The following TCERG1L variants were observed in gnomAD, a reference collection of about 807,000 sequenced individuals.
TCERG1L encodes the protein transcription elongation regulator 1 like.
Under a neutral mutation model 56.3 loss-of-function variants are expected in TCERG1L, and 37 were observed. The observed-to-expected ratio is 0.66, with a 90% confidence interval of 0.51 to 0.87. The LOEUF is 0.87. TCERG1L is among the 40% of genes least tolerant of loss of function. TCERG1L has a pLI of 0.00. For missense variants in TCERG1L, 799 were observed against 774.2 expected (o/e 1.03, Z -0.38); for synonymous variants, 324 against 326.3 (o/e 0.99, Z 0.08).
At chr10:131,287,059 TA>T (rs1333208150) in intron 3 of TCERG1L, among the ~76,000 whole-genome samples, 1 of 152,252 alleles carries the variant, frequency 6.6e-6, no homozygotes, top group East Asian at 1.9e-4. Context: ...ATTAACAAAT[TA>T]TTAAAATTCA....
intron 4 of TCERG1L, among the ~76,000 whole-genome samples, chr10:131,223,204 GACTGTGCAGCCTTGGGACCCCATGGGA>G (rs1845753920): frequency 6.6e-6 from 1 of 152,206 alleles, no homozygotes; most frequent in South Asian, 2.1e-4. Context: ...GCAGCCGCTG[GACTGTGCAGCCTTGGGACCCCATGGGA>G]ACTGGGTGCC....
At position 131,250,448 on chromosome 10, in the gene TCERG1L, G is replaced by A. The variant is rs574066213; in HGVS notation, c.856+9811C>T. On this transcript the variant is annotated intron_variant, in intron 4 of 11. Transcript: ENST00000368642. ...TCTTTCCTCGGGGTTCTAAGTCAGC[G>A]CTAATCATTTCAATAGCATCAGACC... Among the ~76,000 whole-genome samples, 202 of 152,278 alleles carry A rather than the reference G, an allele frequency of 1.3e-3. 1 individual carries two copies. Among genetic ancestry groups the A allele is most frequent in the African/African-American group, 4.4e-3 (182 of 41,560 alleles).
chr10:131,270,399 T>C (rs544167224), intron 3 of TCERG1L, among the ~76,000 whole-genome samples: 2 of 152,340 alleles, frequency 1.3e-5, no homozygotes, highest in African/African-American at 4.8e-5. Context: ...GGGAATCCCG[T>C]AGTTGAGTAA....
chr10:131,158,431 T>C (rs1450718161), intron 6 of TCERG1L, among the ~76,000 whole-genome samples: 2 of 152,234 alleles, frequency 1.3e-5, no homozygotes, highest in Non-Finnish European at 2.9e-5. Flanking sequence ...ATTCAAAATG[T>C]ATTTAATAAC....
chr10:131,226,377 A>C (rs1174056049), intron 4 of TCERG1L, among the ~76,000 whole-genome samples: 1 of 152,212 alleles, frequency 6.6e-6, no homozygotes, highest in Non-Finnish European at 1.5e-5. Context: ...ATGCCCGGCT[A>C]CCAATTTCCT....
intron 3 of TCERG1L, among the ~76,000 whole-genome samples, chr10:131,268,427 A>AT (rs531140428): frequency 1.4e-3 from 208 of 152,234 alleles, no homozygotes; most frequent in Non-Finnish European, 2.4e-3. Flanking sequence ...GGGCCTTAGG[A>AT]TTTTTTGAAT....
chr10:131,229,782 A>T (rs1165050587), intron 4 of TCERG1L, among the ~76,000 whole-genome samples: 1 of 152,174 alleles, frequency 6.6e-6, no homozygotes, highest in Admixed American at 6.5e-5. Flanking sequence ...TAAAATTTTT[A>T]AAAGTAATCA....
intron 4 of TCERG1L, among the ~76,000 whole-genome samples, chr10:131,198,813 TC>T (rs1478912583): frequency 2.6e-5 from 4 of 152,206 alleles, no homozygotes; most frequent in African/African-American, 9.6e-5. Flanking sequence ...CTCTGAGGCT[TC>T]TTTTGCATCT....
chr10:131,178,923 C>T (rs889997751), intron 4 of TCERG1L, among the ~76,000 whole-genome samples: 3 of 152,348 alleles, frequency 2.0e-5, no homozygotes, highest in South Asian at 2.1e-4. Context: ...AGCAGAGCCC[C>T]GCTCACTACT....
intron 4 of TCERG1L, among the ~76,000 whole-genome samples, chr10:131,249,362 G>C (rs916482372): frequency 6.6e-6 from 1 of 152,106 alleles, no homozygotes; most frequent in African/African-American, 2.4e-5. Context: ...CCTGGCAGTG[G>C]CTCCACCCGG....
intron 4 of TCERG1L, among the ~76,000 whole-genome samples, chr10:131,168,197 A>G (rs1053206625): frequency 7.9e-5 from 12 of 152,268 alleles, no homozygotes; most frequent in African/African-American, 2.9e-4. Context: ...CACACATAGA[A>G]AGGATGTCCT....
chr10:131,119,254 TC>T lies in TCERG1L; in HGVS notation c.1260-2321del, dbSNP rs1449340475. On this transcript the variant is annotated intron_variant, in intron 8 of 11. Transcript: ENST00000368642. ...ATGCCTTATGTCTAACAAGAGGTTT[TC>T]ATTCACAGGGGCTGTAATATGGATT... is the stretch of plus-strand genomic sequence containing the variant. 1.1e-4 allele frequency among the ~76,000 whole-genome samples: 17 copies of T among 152,332 alleles called. No individual in the cohort carries two copies. In the East Asian group the frequency reaches 3.3e-3, roughly 29 times the overall value.
chr10:131,181,488 T>C (rs1845175118), intron 4 of TCERG1L, among the ~76,000 whole-genome samples: 2 of 152,228 alleles, frequency 1.3e-5, no homozygotes, highest in African/African-American at 4.8e-5. Flanking sequence ...GGAAAAGTAA[T>C]ACCATATGGA....
rs368404416 is a variant in TCERG1L at position 131,176,995 on chromosome 10, TACAC to T, written c.857-10114_857-10111del. On this transcript the variant is annotated intron_variant, in intron 4 of 11. Coordinates refer to ENST00000368642, the MANE Select transcript of TCERG1L (RefSeq NM_174937.4). ...ACATGAACACACACCAAGACAGGTG[TACAC>T]ACAGACACATGCACACACAGATACG... is the stretch of plus-strand genomic sequence containing the variant. 9.7e-5 allele frequency among the ~76,000 whole-genome samples: 6 copies of T among 62,046 alleles called. 1 individual carries two copies. The East Asian group carries it at 1.8e-3, about 19-fold the overall frequency. 40.7% of individuals were successfully genotyped at this position (62,046 alleles called of 152,430 possible).
chr10:131,227,871 A>G (rs1237352488), intron 4 of TCERG1L, among the ~76,000 whole-genome samples: 5 of 152,082 alleles, frequency 3.3e-5, no homozygotes, highest in Non-Finnish European at 7.4e-5. Context: ...ATTTGACCTG[A>G]GCGCAACTAT....
chr10:131,259,660 C>T (rs1396489017), intron 4 of TCERG1L, among the ~76,000 whole-genome samples: 1 of 152,240 alleles, frequency 6.6e-6, no homozygotes, highest in Non-Finnish European at 1.5e-5. Flanking sequence ...GAATGGCCAC[C>T]CTCCGGGCCC....
chr10:131,180,571 T>C (rs921995354), intron 4 of TCERG1L, among the ~76,000 whole-genome samples: 2 of 152,160 alleles, frequency 1.3e-5, no homozygotes, highest in Admixed American at 6.5e-5. Flanking sequence ...TACGATTGTG[T>C]AGAAGAAAGA....
At chr10:131,206,573 A>T (rs1431632524) in intron 4 of TCERG1L, among the ~76,000 whole-genome samples, 1 of 152,260 alleles carries the variant, frequency 6.6e-6, no homozygotes, top group Non-Finnish European at 1.5e-5. Context: ...CGTGCAATCA[A>T]GGACCCCGTG....
chr10:131,257,200 T>C (rs564907595), intron 4 of TCERG1L, among the ~76,000 whole-genome samples: 66 of 152,162 alleles, frequency 4.3e-4, no homozygotes, highest in African/African-American at 1.5e-3. Flanking sequence ...GATGGAAAGA[T>C]GCAACCTCTG....
Sources: allele counts gnomAD v4.1 joint callset (sites outside exome capture counted in the v4.1 genomes callset), GRCh38; gene constraint gnomAD v4.1.1; transcripts MANE v1.5; gene names NCBI Gene and HGNC (gene_info 2026-07-23, HGNC 2026-07-21).